The following TENT4A variants were observed in gnomAD, a reference collection of about 807,000 sequenced individuals.
TENT4A encodes the protein terminal nucleotidyltransferase 4A, also known as DNA polymerase kappa.
Under a neutral mutation model 72.8 loss-of-function variants are expected in TENT4A, and 7 were observed. That is an observed-to-expected ratio of 0.10 (90% CI 0.05 to 0.18). The LOEUF is 0.18. Among genes scored for constraint, TENT4A ranks in the 10% least tolerant of loss-of-function variants. The pLI is 1.00. For synonymous variants in TENT4A, 456 were observed against 434.3 expected, an observed-to-expected ratio of 1.05 and a Z score of -0.62; for missense variants, 831 against 1,017.7, an observed-to-expected ratio of 0.82 and a Z score of 2.50.
chr5:6,746,627 G>A (rs942406161), intron 7 of TENT4A, among the ~76,000 whole-genome samples, 200 bp downstream of exon 7: 1 of 152,072 alleles, frequency 6.6e-6, no homozygotes, highest in Admixed American at 6.5e-5. Context: ...CTTTCTAACT[G>A]TTTACATTCT....
In TENT4A at chr5:6,755,252, G is replaced by T. The variant is rs1430720008; in HGVS notation, c.*307G>T. ...CGTGAACATGCGCTTGCGGTTTGAGGTAGCCGTGTCTGTTCCTTCGCGGTT... is the reference window on the plus strand; with the variant it reads ...CGTGAACATGCGCTTGCGGTTTGAGTTAGCCGTGTCTGTTCCTTCGCGGTT... On this transcript the variant is annotated 3_prime_UTR_variant, in exon 13 of 13. Transcript: ENST00000230859. 2 of 272,396 alleles carry T rather than the reference G, an allele frequency of 7.3e-6. No individual in the cohort carries two copies. Among genetic ancestry groups the T allele is most frequent in the African/African-American group, 4.4e-5 (2 of 45,632 alleles). The allele number at this position is 272,396 out of a possible 1,614,324, so 16.9% of individuals were successfully genotyped here.
At chr5:6,744,728 AG>A (rs1460554095) in intron 6 of TENT4A, among the ~76,000 whole-genome samples, 1 of 152,200 alleles carries the variant, frequency 6.6e-6, no homozygotes, top group Non-Finnish European at 1.5e-5. Context: ...TTACAGTTCT[AG>A]TCACACTGTC....
At chr5:6,744,150 C>G (rs1310146199) in intron 6 of TENT4A, among the ~76,000 whole-genome samples, 1 of 152,154 alleles carries the variant, frequency 6.6e-6, no homozygotes, top group Non-Finnish European at 1.5e-5. Context: ...AAACAATAAA[C>G]ATTTCTTGGT....
chr5:6,747,554 C>T (rs913838733), intron 7 of TENT4A, among the ~76,000 whole-genome samples: 1 of 152,104 alleles, frequency 6.6e-6, no homozygotes, highest in Non-Finnish European at 1.5e-5. Flanking sequence ...TTATAGATGG[C>T]ATGATTTGTG....
chr5:6,756,599 A>C lies in TENT4A; in HGVS notation c.*1654A>C, dbSNP rs1427104745. 2 of 152,484 alleles carry C rather than the reference A, an allele frequency of 1.3e-5. No individual in the cohort carries two copies. Among genetic ancestry groups the C allele is most frequent in the Non-Finnish European group, 2.9e-5 (2 of 68,038 alleles). 9.4% of individuals were successfully genotyped at this position (152,484 alleles called of 1,614,324 possible). A position where few individuals can be genotyped will look rare whatever the true frequency, so the allele number is the denominator to read the frequency against. ...TGTCAGCTGCGACTGCAGGTTCTCT[A>C]GGAGGCATTCCAGAATAGAGTAGCA... On this transcript the variant is annotated 3_prime_UTR_variant, in exon 13 of 13. Coordinates refer to ENST00000230859, the MANE Select transcript of TENT4A (RefSeq NM_006999.6).
At chr5:6,734,077 T>C (rs1027961710) in intron 1 of TENT4A, among the ~76,000 whole-genome samples, 1 of 152,234 alleles carries the variant, frequency 6.6e-6, no homozygotes, top group Admixed American at 6.5e-5. Context: ...ACTTGATTGA[T>C]TGATTCCATG....
chr5:6,733,321 G>T (rs1001698003), intron 1 of TENT4A, among the ~76,000 whole-genome samples: 1 of 152,258 alleles, frequency 6.6e-6, no homozygotes, highest in African/African-American at 2.4e-5. Flanking sequence ...GCTTCCCGGC[G>T]TGCCGCCAGC....
intron 1 of TENT4A, among the ~76,000 whole-genome samples, chr5:6,718,048 A>G (rs1169767479): frequency 6.6e-6 from 1 of 152,214 alleles, no homozygotes; most frequent in Non-Finnish European, 1.5e-5. Flanking sequence ...AGGCTGTGCC[A>G]TCTCAGGTGT....
intron 2 of TENT4A, 147 bp from the exon 3 acceptor site, chr5:6,738,536 T>C: frequency 1.5e-6 from 1 of 685,420 alleles, no homozygotes. Flanking sequence ...TTCTGGTTGA[T>C]TGTTATACGG....
At chr5:6,748,312 C>A in intron 7 of TENT4A, 152 bp from the exon 8 acceptor site, 1 of 980,314 alleles carries the variant, frequency 1.0e-6, no homozygotes, top group Non-Finnish European at 1.6e-6. Flanking sequence ...CCACCCGTGC[C>A]CATTGTGTTC....
chr5:6,740,253 A>G (rs1741727679), intron 4 of TENT4A, among the ~76,000 whole-genome samples: 1 of 152,192 alleles, frequency 6.6e-6, no homozygotes, highest in African/African-American at 2.4e-5. Flanking sequence ...TTGCTATGTT[A>G]TGTTAAAGAG....
intron 1 of TENT4A, among the ~76,000 whole-genome samples, chr5:6,716,368 G>A (rs375849054): frequency 1.3e-5 from 2 of 152,282 alleles, no homozygotes; most frequent in East Asian, 3.9e-4. Flanking sequence ...GCTCAGTTGT[G>A]CAGGTCCCCT....
At chr5:6,728,780 C>CA (rs1741067734) in intron 1 of TENT4A, among the ~76,000 whole-genome samples, 1 of 152,162 alleles carries the variant, frequency 6.6e-6, no homozygotes, top group Non-Finnish European at 1.5e-5. Flanking sequence ...TTGACCCTTG[C>CA]AGTATGAATT....
At chr5:6,751,685 T>C (rs987392822) in intron 11 of TENT4A, among the ~76,000 whole-genome samples, 3 of 152,262 alleles carry the variant, frequency 2.0e-5, no homozygotes, top group Admixed American at 6.5e-5. Flanking sequence ...TTTTAAAATT[T>C]AGATAAAATT....
chr5:6,737,909 G>GTTTT (rs374682397), intron 2 of TENT4A, among the ~76,000 whole-genome samples: 2,144 of 128,956 alleles, frequency 0.017, 24 homozygotes, highest in East Asian at 0.026. Flanking sequence ...GATTTGTTGG[G>GTTTT]TTTTTTTTTT....
In TENT4A at chr5:6,720,209, C is replaced by A. The variant is rs369558860; in HGVS notation, c.716+5510C>A. The stretch of plus-strand genomic sequence containing the variant: ...TATTGAGTCAGGCTCCTGCAGATAA[C>A]CTGCCTACCTGAAGGTCATGTAGTA... On this transcript the variant is annotated intron_variant, in intron 1 of 12. Coordinates refer to ENST00000230859, the MANE Select transcript of TENT4A (RefSeq NM_006999.6). 4.6e-5 allele frequency among the ~76,000 whole-genome samples: 7 copies of A among 152,266 alleles called. No individual in the cohort carries two copies. In the South Asian group the frequency reaches 1.5e-3, roughly 32 times the overall value.
intron 1 of TENT4A, among the ~76,000 whole-genome samples, chr5:6,720,915 T>C (rs1304948392): frequency 1.3e-5 from 2 of 152,162 alleles, no homozygotes; most frequent in African/African-American, 4.8e-5. Context: ...TTGCAGAAGA[T>C]GTGGGGAACA....
chr5:6,720,223 G>C (rs1211779511), intron 1 of TENT4A, among the ~76,000 whole-genome samples: 1 of 152,200 alleles, frequency 6.6e-6, no homozygotes, highest in African/African-American at 2.4e-5. Context: ...CCTACCTGAA[G>C]GTCATGTAGT....
At chr5:6,722,530 T>C (rs1740703266) in intron 1 of TENT4A, among the ~76,000 whole-genome samples, 1 of 149,690 alleles carries the variant, frequency 6.7e-6, no homozygotes. Flanking sequence ...ATGTCTGTTC[T>C]AGTTTTGCAT....
Sources: allele counts gnomAD v4.1 joint callset (sites outside exome capture counted in the v4.1 genomes callset), GRCh38; gene constraint gnomAD v4.1.1; transcripts MANE v1.5; gene names NCBI Gene and HGNC (gene_info 2026-07-23, HGNC 2026-07-21).